Variants in CDH22 observed in about 807,000 individuals in gnomAD.
The protein encoded by CDH22 is cadherin 22, also known as cadherin-22.
In CDH22, 30 loss-of-function variants were observed where a neutral mutation model predicts 58.4. The observed-to-expected ratio is 0.51, with a 90% CI of 0.38 to 0.70. The LOEUF is 0.70. Ranked by LOEUF, CDH22 falls within the 30% of genes least tolerant of loss-of-function variation. The pLI is 0.00. For synonymous variants in CDH22, 513 were observed against 558.2 expected (o/e 0.92, Z 1.14); for missense variants, 1,014 against 1,233.9 (o/e 0.82, Z 2.67).
chr20:46,290,333 G>A (rs2086595183), intron 1 of CDH22, among the ~76,000 whole-genome samples: 1 of 152,208 alleles, frequency 6.6e-6, no homozygotes, highest in Non-Finnish European at 1.5e-5. Context: ...GATGTTTCTG[G>A]TTGTCACAAC....
At chr20:46,200,435 C>T (rs2085951282) in intron 7 of CDH22, among the ~76,000 whole-genome samples, 1 of 151,544 alleles carries the variant, frequency 6.6e-6, no homozygotes, top group East Asian at 1.9e-4. Flanking sequence ...CGTGCCACCA[C>T]GCCCAGCTAA....
intron 3 of CDH22, among the ~76,000 whole-genome samples, chr20:46,233,140 A>AG (rs2086230965): frequency 6.6e-6 from 1 of 152,102 alleles, no homozygotes; most frequent in South Asian, 2.1e-4. Context: ...GGGGCAGAGC[A>AG]GGAGGAGGAA....
Position 46,178,147 on chromosome 20 carries a change from G to A in CDH22, c.1714C>T (p.Gln572Ter). The change falls in exon 11 of 12, where the codon CAG (glutamine) becomes TAG (stop). Residue 572 changes from glutamine to a stop codon, truncating the protein, a stop_gained. Coordinates refer to ENST00000537909, the MANE Select transcript of CDH22 (RefSeq NM_021248.3). LOFTEE classifies it high-confidence loss of function. Reference sequence around the variant, plus strand: ...AGGATGGGCAGGAAGAACACGTCCTGCTCCTGCCGGTTGAAGCCCACGTGC... The same window carrying A: ...AGGATGGGCAGGAAGAACACGTCCTACTCCTGCCGGTTGAAGCCCACGTGC... ...TQHVGFNRQE[Q>*]DVFFLPILVV... is the part of the protein sequence containing the mutation. 1 of 1,613,976 alleles carries A rather than the reference G, an allele frequency of 6.2e-7. No homozygotes were observed.
intron 1 of CDH22, among the ~76,000 whole-genome samples, chr20:46,266,089 C>T (rs144091802): frequency 6.4e-4 from 97 of 152,324 alleles, no homozygotes; most frequent in African/African-American, 2.1e-3. Context: ...CAGAGGGAGG[C>T]TCTCTGTGGA....
intron 2 of CDH22, among the ~76,000 whole-genome samples, chr20:46,249,688 G>A (rs373370564): frequency 1.3e-5 from 2 of 152,120 alleles, no homozygotes; most frequent in African/African-American, 4.8e-5. Context: ...TGCTGACCAA[G>A]ACTTCCTGGA....
chr20:46,198,335 T>G (rs1245748334), intron 8 of CDH22, among the ~76,000 whole-genome samples: 1 of 120,206 alleles, frequency 8.3e-6, no homozygotes, highest in Non-Finnish European at 1.9e-5. Flanking sequence ...CACACACATA[T>G]TCTTCCAGAA....
At chr20:46,250,263 G>A (rs1056497131) in intron 2 of CDH22, among the ~76,000 whole-genome samples, 2 of 152,218 alleles carry the variant, frequency 1.3e-5, no homozygotes, top group African/African-American at 4.8e-5. Context: ...GTCTGTGCTA[G>A]GCACTGGGGA....
intron 7 of CDH22, among the ~76,000 whole-genome samples, chr20:46,207,592 C>A (rs8116311): frequency 6.6e-6 from 1 of 152,034 alleles, no homozygotes. Context: ...GCATTGGCAG[C>A]GAGTGTAGTG....
At chr20:46,184,770 C>T (rs528383774) in intron 10 of CDH22, among the ~76,000 whole-genome samples, 13 of 152,120 alleles carry the variant, frequency 8.5e-5, no homozygotes, top group Middle Eastern at 3.4e-3. Context: ...CCTAGCCACC[C>T]GAGGCAGTAG....
intron 1 of CDH22, among the ~76,000 whole-genome samples, chr20:46,252,612 G>T (rs1318052291): frequency 1.3e-5 from 2 of 152,260 alleles, no homozygotes; most frequent in African/African-American, 4.8e-5. Context: ...AGAGGAGTGT[G>T]TGGAGGTGAG....
chr20:46,280,733 C>G (rs1371170325), intron 1 of CDH22, among the ~76,000 whole-genome samples: 2 of 152,214 alleles, frequency 1.3e-5, no homozygotes, highest in Admixed American at 1.3e-4. Context: ...TTGAGCAATC[C>G]ACTTCCTCAC....
intron 11 of CDH22, among the ~76,000 whole-genome samples, chr20:46,176,854 C>T (rs916331480): frequency 1.3e-5 from 2 of 152,222 alleles, no homozygotes; most frequent in African/African-American, 4.8e-5. Context: ...GGGTGGCGGG[C>T]GACAGATGTG....
intron 1 of CDH22, among the ~76,000 whole-genome samples, chr20:46,264,508 C>T (rs557176717): frequency 6.6e-6 from 1 of 152,246 alleles, no homozygotes; most frequent in African/African-American, 2.4e-5. Flanking sequence ...CTGATTGAAT[C>T]CTCACAATAG....
intron 1 of CDH22, among the ~76,000 whole-genome samples, chr20:46,287,752 T>C (rs2086582599): frequency 6.6e-6 from 1 of 152,010 alleles, no homozygotes; most frequent in South Asian, 2.1e-4. Context: ...GCATGAATCT[T>C]ATTCTGTTTG....
At chr20:46,211,426 G>A (rs1801952857) in intron 6 of CDH22, among the ~76,000 whole-genome samples, 1 of 152,216 alleles carries the variant, frequency 6.6e-6, no homozygotes, top group Admixed American at 6.5e-5. Flanking sequence ...GCCGTGTCCT[G>A]CCTCCAGCCT....
rs147792926 is a variant in CDH22, at chr20:46,293,018, T to C, written c.-400+15237A>G. On this transcript the variant is annotated intron_variant, in intron 1 of 11. Transcript: ENST00000537909. ...AGATCCTGGGTCTTCCTAATCCTAA[T>C]GTTTTTGTGGTCCACACAGTGCCTG... Among the ~76,000 whole-genome samples the C allele has an allele frequency of 3.7e-3, 570 of 152,122 alleles. 8 individuals are homozygous for C. The highest frequency in any genetic ancestry group is 0.023 in the Admixed American group (344 of 15,272).
At chr20:46,185,436 G>T (rs1380976032) in intron 10 of CDH22, among the ~76,000 whole-genome samples, 1 of 152,102 alleles carries the variant, frequency 6.6e-6, no homozygotes, top group Non-Finnish European at 1.5e-5. Flanking sequence ...GGGTTGGGTT[G>T]AATCCTACCC....
At chr20:46,229,778 T>C (rs1359860229) in intron 3 of CDH22, among the ~76,000 whole-genome samples, 1 of 152,102 alleles carries the variant, frequency 6.6e-6, no homozygotes, top group Admixed American at 6.5e-5. Flanking sequence ...ATCAGGCTTA[T>C]GGTGGGTGCA....
At chr20:46,236,641 A>T (rs1042365483) in intron 3 of CDH22, among the ~76,000 whole-genome samples, 6 of 133,334 alleles carry the variant, frequency 4.5e-5, no homozygotes, top group African/African-American at 1.7e-4. Flanking sequence ...GTATATATTT[A>T]TATATTAATA....
Sources: gnomAD v4.1 joint callset for allele counts (sites outside exome capture counted in the v4.1 genomes callset) on GRCh38, gnomAD v4.1.1 for gene constraint, MANE v1.5 for transcripts, NCBI Gene and HGNC (gene_info 2026-07-23, HGNC 2026-07-21) for gene names.